RPA2: variants seen among roughly 807,000 people sequenced by gnomAD.
The protein encoded by RPA2 is replication protein A 32 kDa subunit.
A neutral mutation model predicts 33.4 loss-of-function variants in RPA2; 22 were observed. The observed-to-expected ratio is 0.66, with a 90% CI of 0.47 to 0.94. RPA2 has a LOEUF of 0.94. Among genes scored for constraint, RPA2 ranks in the 40% least tolerant of loss-of-function variants. The probability of loss-of-function intolerance (pLI) is 0.00; values close to 1 mark genes in which losing one functional copy is unlikely to be tolerated. For synonymous variants in RPA2, 109 were observed against 114.9 expected, an observed-to-expected ratio of 0.95 and a Z score of 0.33; for missense variants, 279 against 329.9, an observed-to-expected ratio of 0.85 and a Z score of 1.19.
chr1:27,914,722 GA>G, upstream of RPA2: 1 of 1,585,202 alleles, frequency 6.3e-7, no homozygotes, highest in East Asian at 2.3e-5. Flanking sequence ...CCATCTTTAC[GA>G]AGGGCAAAAC....
chr1:27,912,581 C>T (rs922317435), intron 2 of RPA2, among the ~76,000 whole-genome samples: 10 of 152,108 alleles, frequency 6.6e-5, no homozygotes, highest in African/African-American at 1.9e-4. Flanking sequence ...AGTGACTAAA[C>T]ATTTAGACAG....
At chr1:27,910,508 A>G (rs779180670) in intron 2 of RPA2, among the ~76,000 whole-genome samples, 2 of 152,234 alleles carry the variant, frequency 1.3e-5, no homozygotes, top group Non-Finnish European at 2.9e-5. Flanking sequence ...AAATATGCTT[A>G]ATTTTGGAAA....
chr1:27,906,840 A>G (rs1334288893), intron 4 of RPA2, 88 bp downstream of exon 4: 9 of 836,406 alleles, frequency 1.1e-5, no homozygotes, highest in South Asian at 1.8e-5. Flanking sequence ...TATTATTTTT[A>G]TAAGAAAAAA....
intron 4 of RPA2, among the ~76,000 whole-genome samples, chr1:27,898,683 C>T (rs1048330177): frequency 1.3e-5 from 2 of 151,658 alleles, no homozygotes; most frequent in Non-Finnish European, 2.9e-5. Flanking sequence ...ATAGCTGGGA[C>T]TATAGGCGCC....
intron 2 of RPA2, among the ~76,000 whole-genome samples, chr1:27,907,986 C>A (rs554397868): frequency 6.6e-6 from 1 of 152,118 alleles, no homozygotes; most frequent in Non-Finnish European, 1.5e-5. Context: ...GTAGCTGGGA[C>A]TATATGTGCC....
chr1:27,894,936 A>G (rs1431162867), intron 6 of RPA2, among the ~76,000 whole-genome samples: 3 of 152,186 alleles, frequency 2.0e-5, no homozygotes, highest in Non-Finnish European at 4.4e-5. Flanking sequence ...TGTTTTCACC[A>G]AAGTCACCAA....
rs540128112 is a variant in RPA2, at chr1:27,902,359, C to T, written c.333+4569G>A. 2.0e-5 allele frequency among the ~76,000 whole-genome samples: 3 copies of T among 151,346 alleles called. No individual in the cohort carries two copies. The South Asian group carries it at 6.3e-4, about 32-fold the overall frequency. ...GCACTGGTGTGAAGATCTCCGCTTA[C>T]TGTAACCTCTGCCTCCTGGGTTCAA... On this transcript the variant is annotated intron_variant, in intron 4 of 8. Coordinates refer to ENST00000373912, the MANE Select transcript of RPA2 (RefSeq NM_002946.5).
intron 2 of RPA2, among the ~76,000 whole-genome samples, chr1:27,912,407 CT>C (rs2090108965): frequency 6.6e-6 from 1 of 151,792 alleles, no homozygotes. Context: ...AAAAATTAGC[CT>C]GACACCGCAG....
In RPA2 at chr1:27,913,951, T is replaced by C. The variant is rs373756231; in HGVS notation, c.117+112A>G. 14 of 1,015,114 alleles carry C rather than the reference T, an allele frequency of 1.4e-5. No homozygotes were observed. In the African/African-American group the frequency reaches 2.1e-4, roughly 15 times the overall value. 62.9% of individuals were successfully genotyped at this position (1,015,114 alleles called of 1,614,324 possible). A position where few individuals can be genotyped will look rare whatever the true frequency, so the allele number is the denominator to read the frequency against. ...AGAGATGCAGATAATAATAGATCAT[T>C]ATCGCATCAGTTCACGTTGAAATCT... On this transcript the variant is annotated intron_variant, in intron 2 of 8. Coordinates refer to ENST00000373912, the MANE Select transcript of RPA2 (RefSeq NM_002946.5).
At chr1:27,909,762 T>C (rs1362335259) in intron 2 of RPA2, among the ~76,000 whole-genome samples, 3 of 151,864 alleles carry the variant, frequency 2.0e-5, no homozygotes, top group African/African-American at 7.3e-5. Context: ...TATTAACTCA[T>C]TTGTACCTCG....
At chr1:27,911,864 G>A (rs1041251832) in intron 2 of RPA2, among the ~76,000 whole-genome samples, 19 of 152,150 alleles carry the variant, frequency 1.2e-4, no homozygotes, top group Middle Eastern at 3.4e-3. Flanking sequence ...AGGCCGAGGC[G>A]GGCAGATCAC....
intron 2 of RPA2, 35 bp downstream of exon 2, chr1:27,914,028 G>T: frequency 6.5e-7 from 1 of 1,534,260 alleles, no homozygotes; most frequent in Non-Finnish European, 8.8e-7. Flanking sequence ...CTTCAGGACA[G>T]GATAAAACAA....
chr1:27,914,097 C>T lies in RPA2; in HGVS notation c.83G>A (p.Gly28Glu). Residue 28 changes from glycine (G) to glutamate (E), a missense_variant, in exon 2 of 9, where the codon GGA becomes GAA. Transcript: ENST00000373912. Reference protein sequence around the residue: ...GGYTQSPGGFGSPAPSQAEKK... With the variant: ...GGYTQSPGGFESPAPSQAEKK... ...TTCGGCTTGAGAAGGTGCGGGCGATCCAAAGCCCCCCGGGGACTGCGTGTA... is the reference window on the plus strand; with the variant it reads ...TTCGGCTTGAGAAGGTGCGGGCGATTCAAAGCCCCCCGGGGACTGCGTGTA... The T allele has an allele frequency of 6.2e-7, 1 of 1,604,118 alleles. No individual in the cohort carries two copies.
intron 4 of RPA2, among the ~76,000 whole-genome samples, chr1:27,898,111 C>T (rs1329506610): frequency 6.6e-6 from 1 of 152,144 alleles, no homozygotes; most frequent in African/African-American, 2.4e-5. Context: ...ATTCTCCTGC[C>T]TCAACTTCCC....
At chr1:27,912,955 C>T (rs2090117499) in intron 2 of RPA2, among the ~76,000 whole-genome samples, 2 of 152,138 alleles carry the variant, frequency 1.3e-5, no homozygotes, top group Admixed American at 1.3e-4. Flanking sequence ...TCAAAGACCA[C>T]ATTTCTTTTT....
At chr1:27,899,025 T>C (rs904654576) in intron 4 of RPA2, among the ~76,000 whole-genome samples, 1 of 151,914 alleles carries the variant, frequency 6.6e-6, no homozygotes, top group Non-Finnish European at 1.5e-5. Flanking sequence ...CTGGGCAACA[T>C]AGTGAGACCT....
At chr1:27,902,269 T>C (rs1009653521) in intron 4 of RPA2, among the ~76,000 whole-genome samples, 1 of 148,324 alleles carries the variant, frequency 6.7e-6, no homozygotes, top group Non-Finnish European at 1.5e-5. Context: ...TAATTTTTTT[T>C]ATTATTTTTA....
chr1:27,902,496 C>A (rs945449389), intron 4 of RPA2, among the ~76,000 whole-genome samples: 8 of 152,040 alleles, frequency 5.3e-5, no homozygotes, highest in Admixed American at 6.6e-5. Flanking sequence ...GTTGGCCAGG[C>A]TGGTCTCAAA....
chr1:27,904,586 A>T (rs923737560), intron 4 of RPA2, among the ~76,000 whole-genome samples: 9 of 152,188 alleles, frequency 5.9e-5, no homozygotes, highest in Admixed American at 2.6e-4. Context: ...GAAAAAATTT[A>T]AAAATTACAT....
Sources: allele counts gnomAD v4.1 joint callset (sites outside exome capture counted in the v4.1 genomes callset), GRCh38; gene constraint gnomAD v4.1.1; transcripts MANE v1.5; gene names NCBI Gene and HGNC (gene_info 2026-07-23, HGNC 2026-07-21).